Variants in KCNQ1 observed in about 807,000 individuals in gnomAD.
KCNQ1 encodes potassium voltage-gated channel subfamily Q member 1.
A neutral mutation model predicts 72.4 loss-of-function variants in KCNQ1; 49 were observed. That is an observed-to-expected ratio of 0.68 (90% CI 0.54 to 0.86). KCNQ1 has a LOEUF of 0.86. KCNQ1 is among the 40% of genes least tolerant of loss of function. The pLI, the probability that KCNQ1 is intolerant of heterozygous loss-of-function variation, is 0.00. For synonymous variants in KCNQ1, 450 were observed against 412.6 expected (o/e 1.09, Z -1.10); for missense variants, 790 against 945.1 (o/e 0.84, Z 2.15).
chr11:2,796,968 A>C (rs551755632), intron 15 of KCNQ1, among the ~76,000 whole-genome samples: 1 of 152,328 alleles, frequency 6.6e-6, no homozygotes, highest in South Asian at 2.1e-4. Context: ...TAACCCCCCA[A>C]GGGCCAGAGA....
At chr11:2,761,056 G>A (rs1004290333) in intron 11 of KCNQ1, among the ~76,000 whole-genome samples, 8 of 152,222 alleles carry the variant, frequency 5.3e-5, no homozygotes, top group African/African-American at 1.2e-4. Flanking sequence ...TTGCCTTGGC[G>A]TACTGGAAGA....
intron 2 of KCNQ1, among the ~76,000 whole-genome samples, chr11:2,548,205 G>A (rs1031377021): frequency 2.6e-5 from 4 of 152,212 alleles, no homozygotes; most frequent in Non-Finnish European, 4.4e-5. Context: ...AGGGTCATGC[G>A]TGTTTGTCCT....
intron 2 of KCNQ1, among the ~76,000 whole-genome samples, chr11:2,530,047 C>G (rs1157003490): frequency 6.6e-6 from 1 of 152,194 alleles, no homozygotes; most frequent in African/African-American, 2.4e-5. Context: ...ACATTGTACT[C>G]TCATGCTTTG....
intron 10 of KCNQ1, among the ~76,000 whole-genome samples, chr11:2,606,220 T>G (rs1848876422): frequency 6.6e-6 from 1 of 152,242 alleles, no homozygotes; most frequent in Non-Finnish European, 1.5e-5. Context: ...TATACTGATT[T>G]TGTCTCCTGC....
rs1380128200 is a variant in KCNQ1 at position 2,491,303 on chromosome 11, G to A, written c.387-36625G>A. Among the ~76,000 whole-genome samples the A allele has an allele frequency of 6.6e-6, 1 of 152,202 alleles. No homozygotes were observed. The highest frequency in any genetic ancestry group is 1.5e-5 in the Non-Finnish European group (1 of 68,040). On this transcript the variant is annotated intron_variant, in intron 1 of 15. Transcript: ENST00000155840. The surrounding 1 kb of genome is among the most constrained non-coding windows in gnomAD (Gnocchi z 4.1). Reference sequence around the variant, plus strand: ...AAAGAGATATGTGACCTTTCAGAGAGAGAATTTAAAATAGCTGTTATGAGA... The same window carrying A: ...AAAGAGATATGTGACCTTTCAGAGAAAGAATTTAAAATAGCTGTTATGAGA...
At chr11:2,570,426 G>A (rs1848312332) in intron 2 of KCNQ1, among the ~76,000 whole-genome samples, 1 of 151,972 alleles carries the variant, frequency 6.6e-6, no homozygotes, top group Admixed American at 6.6e-5. Flanking sequence ...CACTGCCTAT[G>A]GACATGAGCT....
In KCNQ1 at chr11:2,526,297, G is replaced by A. The variant is rs1201087601; in HGVS notation, c.387-1631G>A. On this transcript the variant is annotated intron_variant, in intron 1 of 15. Coordinates refer to ENST00000155840, the MANE Select transcript of KCNQ1 (RefSeq NM_000218.3). The surrounding 1 kb of genome is among the most constrained non-coding windows in gnomAD (Gnocchi z 6.1). ...GGAGATGAGGATGGATGGGCAGGGT[G>A]CAGACAGGGGCTGGCTGGGTTCGGC... Among the ~76,000 whole-genome samples, 1 of 152,146 alleles carries A rather than the reference G, an allele frequency of 6.6e-6. No homozygotes were observed. The highest frequency in any genetic ancestry group is 2.4e-5 in the African/African-American group (1 of 41,438).
In KCNQ1 at chr11:2,723,913, G is replaced by A. The variant is rs113482549; in HGVS notation, c.1515-44931G>A. 2.0e-5 allele frequency among the ~76,000 whole-genome samples: 3 copies of A among 152,220 alleles called. No individual in the cohort carries two copies. Among genetic ancestry groups the A allele is most frequent in the African/African-American group, 4.8e-5 (2 of 41,454 alleles). ...GAAGTCACACGTTGGGGGATGTGCC[G>A]CAGGGATGGGGCATCTCAGCCTTTG... On this transcript the variant is annotated intron_variant, in intron 11 of 15. Coordinates refer to ENST00000155840, the MANE Select transcript of KCNQ1 (RefSeq NM_000218.3). This position sits in a 1 kb window ranked among gnomAD's most constrained non-coding sequence, Gnocchi z 4.2.
At chr11:2,686,353 A>G in intron 11 of KCNQ1, 1 of 398,720 alleles carries the variant, frequency 2.5e-6, no homozygotes, top group East Asian at 3.6e-5. Context: ...GGGGAGGAGT[A>G]TGCTCACTTG....
At chr11:2,718,018 G>A (rs1851125063) in intron 11 of KCNQ1, among the ~76,000 whole-genome samples, 3 of 152,234 alleles carry the variant, frequency 2.0e-5, no homozygotes, top group African/African-American at 7.2e-5. Context: ...AGTGAACCTT[G>A]TTTTGTTTTG....
At chr11:2,730,366 G>A (rs1035548485) in intron 11 of KCNQ1, among the ~76,000 whole-genome samples, 4 of 152,216 alleles carry the variant, frequency 2.6e-5, no homozygotes, top group Admixed American at 6.5e-5. Context: ...TCAGATGTCC[G>A]ACATGGGCTA....
chr11:2,693,710 T>C (rs1850626850), intron 11 of KCNQ1: 1 of 398,548 alleles, frequency 2.5e-6, no homozygotes, highest in Admixed American at 4.4e-5. Flanking sequence ...TCATGGGCCT[T>C]CCTGGCTGGT....
Position 2,750,216 on chromosome 11 carries a change from G to T in KCNQ1, c.1515-18628G>T, listed in dbSNP as rs1846206049. ...TGGATCTCTGGGGAAGTTGAGGAAT[G>T]ACATGTATTCCAGGGAAGAATTGGG... is the stretch of plus-strand genomic sequence containing the variant. On this transcript the variant is annotated intron_variant, in intron 11 of 15. Coordinates refer to ENST00000155840, the MANE Select transcript of KCNQ1 (RefSeq NM_000218.3). This position sits in a 1 kb window ranked among gnomAD's most constrained non-coding sequence, Gnocchi z 6.3. Among the ~76,000 whole-genome samples, 1 of 152,202 alleles carries T rather than the reference G, an allele frequency of 6.6e-6. No homozygotes were observed. Among genetic ancestry groups the T allele is most frequent in the Non-Finnish European group, 1.5e-5 (1 of 68,038 alleles).
At position 2,818,121 on chromosome 11, in the gene KCNQ1, T is replaced by G. The variant is rs150239812; in HGVS notation, c.1795-29646T>G. On this transcript the variant is annotated intron_variant, in intron 15 of 15. Transcript: ENST00000155840. The surrounding 1 kb of genome is among the most constrained non-coding windows in gnomAD (Gnocchi z 7.2). The stretch of plus-strand genomic sequence containing the variant: ...ACCCTGCACCCTGAGTTCCACAACA[T>G]CTAAACCCAGTGTCTGCTGGCCCTC... 3.7e-4 allele frequency among the ~76,000 whole-genome samples: 57 copies of G among 152,228 alleles called. No homozygotes were observed. Among genetic ancestry groups the G allele is most frequent in the Non-Finnish European group, 6.9e-4 (47 of 68,000 alleles).
chr11:2,551,293 C>T (rs895930231), intron 2 of KCNQ1, among the ~76,000 whole-genome samples: 24 of 152,172 alleles, frequency 1.6e-4, no homozygotes, highest in Admixed American at 1.1e-3. Flanking sequence ...ACCTGGGAAC[C>T]GTGGACGTGT....
intron 10 of KCNQ1, chr11:2,643,011 T>A: frequency 2.5e-6 from 1 of 397,986 alleles, no homozygotes; most frequent in Non-Finnish European, 4.4e-6. Flanking sequence ...TATTGTGGTC[T>A]GAGAAGATAT....
intron 1 of KCNQ1, among the ~76,000 whole-genome samples, chr11:2,525,937 C>T (rs539999668): frequency 6.6e-6 from 1 of 152,352 alleles, no homozygotes; most frequent in South Asian, 2.1e-4. Context: ...GGGTGGACAA[C>T]AGACTCTGGT....
intron 15 of KCNQ1, among the ~76,000 whole-genome samples, chr11:2,837,827 C>T (rs568376641): frequency 7.2e-5 from 11 of 152,344 alleles, no homozygotes; most frequent in South Asian, 4.1e-4. Context: ...AGAAGGGCGG[C>T]GCCCAGGGGG....
chr11:2,460,839 G>A (rs955244905), intron 1 of KCNQ1, among the ~76,000 whole-genome samples: 1 of 152,218 alleles, frequency 6.6e-6, no homozygotes, highest in African/African-American at 2.4e-5. Context: ...GCCTCTGGAG[G>A]AGCACTTTGC....
Sources: gnomAD v4.1 joint callset for allele counts (sites outside exome capture counted in the v4.1 genomes callset) on GRCh38, gnomAD v4.1.1 for gene constraint, Gnocchi (gnomAD v3.1) non-coding constraint, MANE v1.5 for transcripts, NCBI Gene and HGNC (gene_info 2026-07-23, HGNC 2026-07-21) for gene names.